Variants in DCUN1D4 observed in about 807,000 individuals in gnomAD.
DCUN1D4 encodes defective in cullin neddylation 1 domain containing 4.
In DCUN1D4, 22 loss-of-function variants were observed where a neutral mutation model predicts 47.9. The observed-to-expected ratio is 0.46, with a 90% CI of 0.33 to 0.66. The LOEUF (loss-of-function observed/expected upper bound fraction) is 0.66. Among genes scored for constraint, DCUN1D4 ranks in the 30% least tolerant of loss-of-function variants. DCUN1D4 has a pLI of 0.02. For missense variants in DCUN1D4, 301 were observed against 340.8 expected, an observed-to-expected ratio of 0.88 and a Z score of 0.92; for synonymous variants, 121 against 112.2, an observed-to-expected ratio of 1.08 and a Z score of -0.50.
intron 8 of DCUN1D4, chr4:51,909,462 A>G (rs1733381294): frequency 6.3e-6 from 1 of 157,484 alleles, no homozygotes; most frequent in African/African-American, 2.4e-5. Flanking sequence ...GGTAAGAGGA[A>G]GTTTTCCATT....
chr4:51,880,087 C>T (rs1728335675), intron 5 of DCUN1D4, among the ~76,000 whole-genome samples: 2 of 152,108 alleles, frequency 1.3e-5, no homozygotes, highest in Admixed American at 1.3e-4. Flanking sequence ...TATAGCTTGT[C>T]CATAGGGAAA....
chr4:51,887,250 C>T (rs868128976), intron 6 of DCUN1D4: 18 of 351,472 alleles, frequency 5.1e-5, no homozygotes, highest in African/African-American at 1.5e-4. Flanking sequence ...TACAGGTGTG[C>T]GCCACCATGC....
chr4:51,903,661 A>G (rs2110112192), intron 8 of DCUN1D4, among the ~76,000 whole-genome samples: 1 of 152,258 alleles, frequency 6.6e-6, no homozygotes, highest in South Asian at 2.1e-4. Flanking sequence ...CAAGCCACTG[A>G]TGCTGTGTTC....
chr4:51,852,799 A>G (rs1723562087), intron 1 of DCUN1D4, among the ~76,000 whole-genome samples: 1 of 152,226 alleles, frequency 6.6e-6, no homozygotes, highest in Admixed American at 6.5e-5. Flanking sequence ...GGATGAGGAC[A>G]CGGGCACAGT....
chr4:51,883,093 CAT>C (rs1281171413), intron 5 of DCUN1D4, among the ~76,000 whole-genome samples: 1 of 152,120 alleles, frequency 6.6e-6, no homozygotes, highest in Non-Finnish European at 1.5e-5. Context: ...AATGGGATAA[CAT>C]AAAATGTATT....
At chr4:51,838,037 C>A (rs1411051162), upstream of DCUN1D4, among the ~76,000 whole-genome samples, 1 of 152,062 alleles carries the variant, frequency 6.6e-6, no homozygotes, top group Non-Finnish European at 1.5e-5. Flanking sequence ...ATTAGCCGGG[C>A]ATGGTGGCAC....
upstream of DCUN1D4, among the ~76,000 whole-genome samples, chr4:51,840,822 G>A (rs753905149): frequency 2.6e-5 from 4 of 152,170 alleles, no homozygotes; most frequent in South Asian, 2.1e-4. Context: ...AAACGTGGGG[G>A]CAGTGAGGGT....
intron 3 of DCUN1D4, chr4:51,865,607 A>C (rs1407194325): frequency 6.6e-6 from 1 of 152,260 alleles, no homozygotes; most frequent in African/African-American, 2.4e-5. Context: ...GTATGCATGC[A>C]TATATGTTTA....
intron 1 of DCUN1D4, among the ~76,000 whole-genome samples, chr4:51,852,481 G>A (rs912332074): frequency 6.6e-6 from 1 of 152,090 alleles, no homozygotes; most frequent in African/African-American, 2.4e-5. Context: ...CCAAAATTAA[G>A]CCACAGATCA....
chr4:51,855,435 A>G (rs1723986584), intron 1 of DCUN1D4, among the ~76,000 whole-genome samples: 1 of 152,208 alleles, frequency 6.6e-6, no homozygotes, highest in South Asian at 2.1e-4. Flanking sequence ...AAAAAAATCT[A>G]AATCCACTGG....
At chr4:51,899,402 G>A (rs778388622) in intron 8 of DCUN1D4, 24 bp downstream of exon 8, 1 of 1,585,054 alleles carries the variant, frequency 6.3e-7, no homozygotes, top group South Asian at 1.2e-5. Flanking sequence ...AGCCTATCCA[G>A]ATGTTTCCCT....
At chr4:51,872,423 C>T (rs144654991) in intron 3 of DCUN1D4, among the ~76,000 whole-genome samples, 8 of 152,228 alleles carry the variant, frequency 5.3e-5, no homozygotes, top group Admixed American at 1.3e-4. Context: ...CTCCACAGCC[C>T]GCTGCAATCT....
At position 51,914,638 on chromosome 4, in the gene DCUN1D4, T is replaced by A. The variant is rs1467724142; in HGVS notation, c.*1054T>A. 6.6e-6 allele frequency: 1 copy of A among 152,592 alleles called. No individual in the cohort carries two copies. The highest frequency in any genetic ancestry group is 1.5e-5 in the Non-Finnish European group (1 of 68,040). The allele number at this position is 152,592 out of a possible 1,614,324, so 9.5% of individuals were successfully genotyped here. A position where few individuals can be genotyped will look rare whatever the true frequency, so the allele number is the denominator to read the frequency against. ...TCATGCTAGGCTTTTCCTGGCAGCA[T>A]GTCCATTGCAGGCAGTGGACAAGAA... On this transcript the variant is annotated 3_prime_UTR_variant, in exon 11 of 11. Coordinates refer to ENST00000334635, the MANE Select transcript of DCUN1D4 (RefSeq NM_001040402.3).
At chr4:51,878,672 G>A (rs1316571571) in intron 5 of DCUN1D4, among the ~76,000 whole-genome samples, 1 of 152,152 alleles carries the variant, frequency 6.6e-6, no homozygotes, top group Non-Finnish European at 1.5e-5. Context: ...CCTGCTATCT[G>A]CAGGATAAAA....
intron 1 of DCUN1D4, among the ~76,000 whole-genome samples, chr4:51,861,029 T>C (rs562618138): frequency 6.6e-6 from 1 of 152,368 alleles, no homozygotes; most frequent in South Asian, 2.1e-4. Flanking sequence ...ATGTCTTTTA[T>C]TGAGCACTTA....
At chr4:51,849,937 A>G (rs942775049) in intron 1 of DCUN1D4, among the ~76,000 whole-genome samples, 2 of 152,090 alleles carry the variant, frequency 1.3e-5, no homozygotes, top group African/African-American at 2.4e-5. Context: ...TTTAGTCAAC[A>G]TTATTTAGGT....
intron 1 of DCUN1D4, among the ~76,000 whole-genome samples, chr4:51,859,028 GT>G (rs1280549080): frequency 2.0e-5 from 3 of 152,190 alleles, no homozygotes; most frequent in Non-Finnish European, 4.4e-5. Context: ...GGCCTAACAT[GT>G]TTATTTCTCC....
rs116188287 is a variant in DCUN1D4, at chr4:51,855,467, A to G, written c.26-7970A>G. Among the ~76,000 whole-genome samples the G allele has an allele frequency of 9.2e-3, 1,401 of 152,342 alleles. 14 individuals are homozygous for G. The highest frequency in any genetic ancestry group is 0.032 in the African/African-American group (1,344 of 41,572). On this transcript the variant is annotated intron_variant, in intron 1 of 10. Transcript: ENST00000334635. ...CTGGGAGATGGAGGTACTGTTTTGC[A>G]TAAAGAAGTTAGATGAGACATCTCT... is the stretch of plus-strand genomic sequence containing the variant.
At chr4:51,834,091 C>CTTTTTTTTTTTTTTTTTTTTTTTTTT in the DCUN1D4 span, among the ~76,000 whole-genome samples, 1 of 49,528 alleles carries the variant, frequency 2.0e-5, no homozygotes, top group Non-Finnish European at 3.5e-5. Context: ...TCTCTCTTTT[C>CTTTTTTTTTTTTTTTTTTTTTTTTTT]TTTTCTTCTT....
Sources: gnomAD v4.1 joint callset for allele counts (sites outside exome capture counted in the v4.1 genomes callset) on GRCh38, gnomAD v4.1.1 for gene constraint, MANE v1.5 for transcripts, NCBI Gene and HGNC (gene_info 2026-07-23, HGNC 2026-07-21) for gene names.